The following PTPRN2 variants were observed in gnomAD, a reference collection of about 807,000 sequenced individuals.
PTPRN2 encodes protein tyrosine phosphatase receptor type N2.
In PTPRN2, 74 loss-of-function variants were observed where a neutral mutation model predicts 118.8. That is an observed-to-expected ratio of 0.62 (90% CI 0.52 to 0.76). The LOEUF is 0.76. PTPRN2 is among the 30% of genes least tolerant of loss of function. The pLI, the probability that PTPRN2 is intolerant of heterozygous loss-of-function variation, is 0.00. For synonymous variants in PTPRN2, 641 were observed against 608.0 expected, an observed-to-expected ratio of 1.05 and a Z score of -0.80; for missense variants, 1,481 against 1,394.4, an observed-to-expected ratio of 1.06 and a Z score of -0.99.
At chr7:157,820,520 C>G (rs1806764005) in intron 12 of PTPRN2, among the ~76,000 whole-genome samples, 1 of 150,600 alleles carries the variant, frequency 6.6e-6, no homozygotes, top group Admixed American at 6.6e-5. Flanking sequence ...CATTCTTACA[C>G]ATGCACACAG....
rs1473142050 is a variant in PTPRN2, at chr7:158,003,346, G to A, written c.1723+77952C>T. Among the ~76,000 whole-genome samples the A allele has an allele frequency of 2.0e-5, 3 of 149,840 alleles. No individual in the cohort carries two copies. The highest frequency in any genetic ancestry group is 4.9e-5 in the African/African-American group (2 of 40,610). On this transcript the variant is annotated intron_variant, in intron 11 of 22. Transcript: ENST00000389418. The surrounding 1 kb of genome is among the most constrained non-coding windows in gnomAD (Gnocchi z 5.0). The stretch of plus-strand genomic sequence containing the variant: ...GGAGAATGGCATGAACCTGGGAGGC[G>A]GAGCTTGCAGTGAGCCGAGATCGCG...
chr7:158,262,543 T>TCA (rs1292958335), intron 3 of PTPRN2, among the ~76,000 whole-genome samples: 1 of 110,124 alleles, frequency 9.1e-6, no homozygotes, highest in African/African-American at 3.6e-5. Flanking sequence ...ATACACACAT[T>TCA]CACACACTGC....
intron 3 of PTPRN2, among the ~76,000 whole-genome samples, chr7:158,215,043 GA>G (rs755493305): frequency 6.6e-6 from 1 of 152,206 alleles, no homozygotes; most frequent in African/African-American, 2.4e-5. Context: ...AACCAACACT[GA>G]GATGACCGAG....
rs151144707 is a variant in PTPRN2 at position 157,845,448 on chromosome 7, G to T, written c.1788+53225C>A. Among the ~76,000 whole-genome samples the T allele has an allele frequency of 4.2e-4, 63 of 151,492 alleles. No homozygotes were observed. Among genetic ancestry groups the T allele is most frequent in the African/African-American group, 1.3e-3 (53 of 41,164 alleles). On this transcript the variant is annotated intron_variant, in intron 12 of 22. Coordinates refer to ENST00000389418, the MANE Select transcript of PTPRN2 (RefSeq NM_002847.5). The surrounding 1 kb of genome is among the most constrained non-coding windows in gnomAD (Gnocchi z 4.5). The stretch of plus-strand genomic sequence containing the variant: ...TCACCATGTTCCCGGCCATACCCCA[G>T]TGAACCACACAGCCTAACTCACCAT...
intron 6 of PTPRN2, among the ~76,000 whole-genome samples, chr7:158,150,901 T>G (rs1820955497): frequency 6.6e-6 from 1 of 152,000 alleles, no homozygotes. Flanking sequence ...CCTACTGGTT[T>G]GCAGCAAATG....
intron 2 of PTPRN2, among the ~76,000 whole-genome samples, chr7:158,486,295 C>T (rs1322051677): frequency 1.3e-5 from 2 of 152,232 alleles, no homozygotes; most frequent in South Asian, 2.1e-4. Context: ...CCGACATAAG[C>T]GTGATCTATT....
chr7:158,012,527 C>T (rs572512640), intron 11 of PTPRN2, among the ~76,000 whole-genome samples: 75 of 152,304 alleles, frequency 4.9e-4, no homozygotes, highest in South Asian at 8.3e-4. Flanking sequence ...GGAGTGGGTA[C>T]GGAGGCATGG....
intron 12 of PTPRN2, among the ~76,000 whole-genome samples, chr7:157,738,294 G>C (rs1192091140): frequency 1.3e-5 from 2 of 152,174 alleles, no homozygotes; most frequent in Non-Finnish European, 2.9e-5. Flanking sequence ...CCCACCACCG[G>C]GAAGGAGGCG....
intron 12 of PTPRN2, among the ~76,000 whole-genome samples, chr7:157,757,692 C>T (rs1407157523): frequency 3.3e-5 from 5 of 151,668 alleles, no homozygotes; most frequent in African/African-American, 7.3e-5. Context: ...TTTAAACCTC[C>T]CCCACCCCCT....
intron 11 of PTPRN2, among the ~76,000 whole-genome samples, chr7:157,983,543 T>C (rs1344899681): frequency 6.6e-6 from 1 of 152,200 alleles, no homozygotes; most frequent in Non-Finnish European, 1.5e-5. Context: ...AGCTGAAACC[T>C]GAACCCATGA....
At chr7:158,284,370 T>C (rs573642311) in intron 3 of PTPRN2, among the ~76,000 whole-genome samples, 3 of 152,284 alleles carry the variant, frequency 2.0e-5, no homozygotes, top group Non-Finnish European at 2.9e-5. Context: ...TGCCAGGCAC[T>C]CTCCGAGTCA....
chr7:158,294,425 G>C (rs550827563), intron 3 of PTPRN2, among the ~76,000 whole-genome samples: 1 of 152,240 alleles, frequency 6.6e-6, no homozygotes, highest in African/African-American at 2.4e-5. Context: ...TTTTTTGTAA[G>C]TTTTTCATGT....
At chr7:157,998,978 G>A (rs1028379314) in intron 11 of PTPRN2, among the ~76,000 whole-genome samples, 2 of 152,106 alleles carry the variant, frequency 1.3e-5, no homozygotes, top group African/African-American at 4.8e-5. Flanking sequence ...CCAGGGGACT[G>A]TGAGCTGCAG....
chr7:158,483,741 T>C (rs1368082533), intron 2 of PTPRN2, among the ~76,000 whole-genome samples: 3 of 146,074 alleles, frequency 2.1e-5, no homozygotes, highest in East Asian at 4.5e-4. Flanking sequence ...TCCTTCACTA[T>C]GCTTACCTCC....
chr7:158,388,449 A>G, intron 2 of PTPRN2, among the ~76,000 whole-genome samples: 1 of 152,190 alleles, frequency 6.6e-6, no homozygotes, highest in East Asian at 1.9e-4. Context: ...AACTTGGGAA[A>G]GCACTTCACT....
intron 11 of PTPRN2, among the ~76,000 whole-genome samples, chr7:158,043,433 G>A (rs929770637): frequency 6.6e-6 from 1 of 152,258 alleles, no homozygotes; most frequent in African/African-American, 2.4e-5. Flanking sequence ...ACCAGGGACA[G>A]GAGGATCAGG....
At chr7:157,776,963 C>T (rs1454948798) in intron 12 of PTPRN2, among the ~76,000 whole-genome samples, 2 of 142,222 alleles carry the variant, frequency 1.4e-5, no homozygotes, top group East Asian at 2.2e-4. Context: ...CCCTCTCCTC[C>T]TCCTCCATCT....
intron 21 of PTPRN2, among the ~76,000 whole-genome samples, chr7:157,551,336 C>T (rs1293675762): frequency 6.6e-6 from 1 of 152,064 alleles, no homozygotes; most frequent in African/African-American, 2.4e-5. Context: ...AAAAATACCA[C>T]AACTGTAGGC....
At chr7:158,476,863 G>A (rs1048959738) in intron 2 of PTPRN2, among the ~76,000 whole-genome samples, 2 of 152,196 alleles carry the variant, frequency 1.3e-5, no homozygotes, top group Non-Finnish European at 2.9e-5. Context: ...GGAGCGAACC[G>A]CATCTTCAGA....
Sources: gnomAD v4.1 joint callset for allele counts (sites outside exome capture counted in the v4.1 genomes callset) on GRCh38, gnomAD v4.1.1 for gene constraint, Gnocchi (gnomAD v3.1) non-coding constraint, MANE v1.5 for transcripts, NCBI Gene and HGNC (gene_info 2026-07-23, HGNC 2026-07-21) for gene names.